The following GRIA4 variants were observed in gnomAD, a reference collection of about 807,000 sequenced individuals.
GRIA4 encodes glutamate ionotropic receptor AMPA type subunit 4, also known as glutamate receptor 4.
Under a neutral mutation model 104.0 loss-of-function variants are expected in GRIA4, and 34 were observed. That is an observed-to-expected ratio of 0.33 (90% CI 0.25 to 0.44). GRIA4 has a LOEUF of 0.44. Ranked by LOEUF, GRIA4 falls within the 20% of genes least tolerant of loss-of-function variation. The pLI, the probability that GRIA4 is intolerant of heterozygous loss-of-function variation, is 1.00. For synonymous variants in GRIA4, 386 were observed against 381.9 expected (o/e 1.01, Z -0.13); for missense variants, 750 against 1,096.5 (o/e 0.68, Z 4.46).
chr11:105,845,729 A>G (rs1306173695), intron 4 of GRIA4, among the ~76,000 whole-genome samples: 1 of 151,928 alleles, frequency 6.6e-6, no homozygotes, highest in Non-Finnish European at 1.5e-5. Context: ...TAAAAATACA[A>G]AAAAATTAGC....
intron 4 of GRIA4, among the ~76,000 whole-genome samples, chr11:105,859,644 A>C (rs1945145885): frequency 6.6e-6 from 1 of 152,158 alleles, no homozygotes; most frequent in South Asian, 2.1e-4. Flanking sequence ...TATTTAGAGT[A>C]TCGTGCCAAG....
intron 5 of GRIA4, among the ~76,000 whole-genome samples, chr11:105,875,638 T>C (rs1165381975): frequency 1.3e-5 from 2 of 152,202 alleles, no homozygotes; most frequent in African/African-American, 4.8e-5. Flanking sequence ...TGGTTTAGTC[T>C]TGGGAGGGTG....
At chr11:105,763,035 T>C (rs1392942431) in intron 4 of GRIA4, among the ~76,000 whole-genome samples, 2 of 152,226 alleles carry the variant, frequency 1.3e-5, no homozygotes, top group African/African-American at 4.8e-5. Flanking sequence ...GGTTGGTTTA[T>C]ACATGGTGCT....
At chr11:105,798,417 T>G (rs1219397017) in intron 4 of GRIA4, among the ~76,000 whole-genome samples, 2 of 151,502 alleles carry the variant, frequency 1.3e-5, no homozygotes, top group Non-Finnish European at 2.9e-5. Flanking sequence ...TCAGGGAGAG[T>G]GACAAAGCCA....
At chr11:105,761,549 G>T (rs1940651435) in intron 4 of GRIA4, among the ~76,000 whole-genome samples, 1 of 152,054 alleles carries the variant, frequency 6.6e-6, no homozygotes. Context: ...ACAGAGCTAG[G>T]ACTCAACTGC....
intron 11 of GRIA4, among the ~76,000 whole-genome samples, chr11:105,923,181 T>A (rs1444987275): frequency 6.6e-6 from 1 of 152,174 alleles, no homozygotes; most frequent in East Asian, 1.9e-4. Context: ...TGTCTGAGCA[T>A]GTTTCTGACT....
intron 4 of GRIA4, among the ~76,000 whole-genome samples, chr11:105,803,491 A>G (rs1942808103): frequency 6.6e-6 from 1 of 151,960 alleles, no homozygotes; most frequent in South Asian, 2.1e-4. Context: ...GGTGGAACAA[A>G]AGTTATTAAT....
chr11:105,940,746 C>A (rs538816169), intron 14 of GRIA4, among the ~76,000 whole-genome samples: 2 of 152,132 alleles, frequency 1.3e-5, no homozygotes, highest in African/African-American at 2.4e-5. Flanking sequence ...TCATCCACAA[C>A]TTTAGGTGTC....
intron 3 of GRIA4, among the ~76,000 whole-genome samples, chr11:105,661,354 C>T (rs1012278937): frequency 1.8e-4 from 27 of 151,498 alleles, no homozygotes; most frequent in Admixed American, 1.3e-3. Flanking sequence ...TAATGAGGTA[C>T]AGTCACTACC....
At chr11:105,845,016 G>A (rs1163880642) in intron 4 of GRIA4, among the ~76,000 whole-genome samples, 1 of 152,218 alleles carries the variant, frequency 6.6e-6, no homozygotes, top group African/African-American at 2.4e-5. Flanking sequence ...ATCTATTGCT[G>A]TATAACAATT....
chr11:105,781,852 T>C (rs1220001447), intron 4 of GRIA4, among the ~76,000 whole-genome samples: 2 of 152,180 alleles, frequency 1.3e-5, no homozygotes, highest in East Asian at 1.9e-4. Context: ...AAGAGGCATT[T>C]ATTTCTTCAC....
chr11:105,898,244 C>T, intron 6 of GRIA4, 25 bp from the exon 7 acceptor site: 1 of 1,247,738 alleles, frequency 8.0e-7, no homozygotes, highest in Non-Finnish European at 1.2e-6. Flanking sequence ...CTAAATTTAA[C>T]AATCTTTTGT....
intron 3 of GRIA4, among the ~76,000 whole-genome samples, chr11:105,650,171 T>C (rs577270775): frequency 1.3e-5 from 2 of 152,218 alleles, no homozygotes; most frequent in Non-Finnish European, 2.9e-5. Context: ...TTTACAAATG[T>C]TTCAAAATTA....
intron 3 of GRIA4, among the ~76,000 whole-genome samples, chr11:105,721,051 C>T (rs1415911428): frequency 6.6e-6 from 1 of 152,124 alleles, no homozygotes; most frequent in Non-Finnish European, 1.5e-5. Context: ...GGTCCTTCTT[C>T]CTGGGATCAG....
intron 3 of GRIA4, among the ~76,000 whole-genome samples, chr11:105,632,143 T>C (rs2135313451): frequency 6.6e-6 from 1 of 152,306 alleles, no homozygotes; most frequent in Admixed American, 6.5e-5. Flanking sequence ...TCAAGAACCG[T>C]AATTCTGTCA....
chr11:105,654,716 A>T (rs10895851), intron 3 of GRIA4, among the ~76,000 whole-genome samples: 78,732 of 151,868 alleles, frequency 0.52, 20,685 homozygotes, highest in Admixed American at 0.61. Context: ...ATAGATCAGC[A>T]GAAGTAGTCT....
At chr11:105,951,353 C>T (rs1230337922) in intron 14 of GRIA4, among the ~76,000 whole-genome samples, 1 of 152,090 alleles carries the variant, frequency 6.6e-6, no homozygotes, top group African/African-American at 2.4e-5. Flanking sequence ...TATATTTTAC[C>T]TACTTTAAAG....
At chr11:105,875,060 T>C (rs1158707449) in intron 5 of GRIA4, among the ~76,000 whole-genome samples, 11 of 152,210 alleles carry the variant, frequency 7.2e-5, no homozygotes. Context: ...TTGTCATGAA[T>C]AGCTCTTATT....
Position 105,638,687 on chromosome 11 carries a change from C to A in GRIA4, c.247+26253C>A, listed in dbSNP as rs566352883. On this transcript the variant is annotated intron_variant, in intron 3 of 16. Coordinates refer to ENST00000282499, the MANE Select transcript of GRIA4 (RefSeq NM_000829.4). ...TTCTCCATTTACTCTATTTCAATGTCTCTTAATTGATCCTAGTTTTTTACA... is the reference window on the plus strand; with the variant it reads ...TTCTCCATTTACTCTATTTCAATGTATCTTAATTGATCCTAGTTTTTTACA... Among the ~76,000 whole-genome samples, 4 of 152,144 alleles carry A rather than the reference C, an allele frequency of 2.6e-5. No homozygotes were observed. The South Asian group carries it at 8.3e-4, about 32-fold the overall frequency.
Sources: gnomAD v4.1 joint callset for allele counts (sites outside exome capture counted in the v4.1 genomes callset) on GRCh38, gnomAD v4.1.1 for gene constraint, MANE v1.5 for transcripts, NCBI Gene and HGNC (gene_info 2026-07-23, HGNC 2026-07-21) for gene names.